TNRC6B: variants seen among roughly 807,000 people sequenced by gnomAD.
TNRC6B encodes trinucleotide repeat-containing gene 6B protein.
In TNRC6B, 52 loss-of-function variants were observed where a neutral mutation model predicts 203.6. The ratio of observed to expected loss-of-function variants is 0.26; its 90% CI spans 0.20 to 0.32. TNRC6B has a LOEUF of 0.32. Among genes scored for constraint, TNRC6B ranks in the 10% least tolerant of loss-of-function variants. The probability of loss-of-function intolerance (pLI) is 1.00; values close to 1 mark genes in which losing one functional copy is unlikely to be tolerated. For synonymous variants in TNRC6B, 838 were observed against 845.7 expected (o/e 0.99, Z 0.16); for missense variants, 1,923 against 2,286.2 (o/e 0.84, Z 3.24).
chr22:40,085,446 T>G (rs1019564412), intron 1 of TNRC6B, among the ~76,000 whole-genome samples: 1 of 152,210 alleles, frequency 6.6e-6, no homozygotes, highest in African/African-American at 2.4e-5. Context: ...CCTAAGCTTC[T>G]TTATCTGTAG....
At chr22:40,136,371 T>TTTTGTGTGTGTG (rs150445100) in intron 3 of TNRC6B, among the ~76,000 whole-genome samples, 1 of 141,118 alleles carries the variant, frequency 7.1e-6, no homozygotes, top group Non-Finnish European at 1.5e-5. Flanking sequence ...TATGTTTATC[T>TTTTGTGTGTGTG]TGTGTGTGTG....
At position 40,265,719 on chromosome 22, in the gene TNRC6B, G is replaced by A. The variant is rs752924057; in HGVS notation, c.1489G>A (p.Gly497Ser). 6.2e-7 allele frequency: 1 copy of A among 1,613,968 alleles called. No homozygotes were observed. Among genetic ancestry groups the A allele is most frequent in the Non-Finnish European group, 8.5e-7 (1 of 1,179,890 alleles). ...GPQDSNDNKW[G>S]EGNKMTSGVS... ...CCAGGACTCTAATGACAACAAATGGGGTGAAGGGAACAAAATGACATCTGG... is the reference window on the plus strand; with the variant it reads ...CCAGGACTCTAATGACAACAAATGGAGTGAAGGGAACAAAATGACATCTGG... The change falls in exon 5 of 23, where the codon GGT (glycine) becomes AGT (serine). Residue 497 changes from glycine to serine, a missense_variant. By Grantham distance (56) the Gly-to-Ser change is moderately conservative. Transcript: ENST00000454349.
In TNRC6B at chr22:40,325,261, A is replaced by C. The variant is rs1487483976; in HGVS notation, c.*2020A>C. 1 of 152,586 alleles carries C rather than the reference A, an allele frequency of 6.6e-6. No homozygotes were observed. The highest frequency in any genetic ancestry group is 1.5e-5 in the Non-Finnish European group (1 of 68,018). The allele number at this position is 152,586 out of a possible 1,614,324, so 9.5% of individuals were successfully genotyped here. A position where few individuals can be genotyped will look rare whatever the true frequency, so the allele number is the denominator to read the frequency against. On this transcript the variant is annotated 3_prime_UTR_variant, in exon 23 of 23. Transcript: ENST00000454349. ...GAAGGATACAATACAACAATGCCTA[A>C]TGTATTTGACTTTTTAGCTTGTGTC... is the stretch of plus-strand genomic sequence containing the variant.
Position 40,222,089 on chromosome 22 carries a change from A to G in TNRC6B, c.6-23926A>G, listed in dbSNP as rs138902219. 2.0e-3 allele frequency among the ~76,000 whole-genome samples: 304 copies of G among 152,186 alleles called. 1 individual carries two copies. Among genetic ancestry groups the G allele is most frequent in the African/African-American group, 7.2e-3 (297 of 41,516 alleles). On this transcript the variant is annotated intron_variant, in intron 1 of 22. Coordinates refer to ENST00000454349, the MANE Select transcript of TNRC6B (RefSeq NM_001162501.2). Reference sequence around the variant, plus strand: ...TGCTGTCTGGAGACCTCTCTGACCCATCTCTGTTGGGCAGTATTTTGTCTT... The same window carrying G: ...TGCTGTCTGGAGACCTCTCTGACCCGTCTCTGTTGGGCAGTATTTTGTCTT...
intron 3 of TNRC6B, among the ~76,000 whole-genome samples, chr22:40,257,760 C>T (rs1286408367): frequency 1.3e-5 from 2 of 148,720 alleles, no homozygotes; most frequent in South Asian, 2.2e-4. Context: ...CGGTGGCTCA[C>T]GCCTATAATC....
chr22:40,215,865 T>A (rs1013842373), intron 1 of TNRC6B, among the ~76,000 whole-genome samples: 4 of 152,246 alleles, frequency 2.6e-5, no homozygotes, highest in Non-Finnish European at 5.9e-5. Context: ...CAGCATGGGC[T>A]GCATCTCAGC....
chr22:40,235,738 C>T (rs1467950691), intron 1 of TNRC6B, among the ~76,000 whole-genome samples: 2 of 152,194 alleles, frequency 1.3e-5, no homozygotes, highest in Non-Finnish European at 2.9e-5. Context: ...TCCTGCTATA[C>T]TTAAGGAATA....
At chr22:40,156,253 A>C in intron 4 of TNRC6B, 3 of 1,434,676 alleles carry the variant, frequency 2.1e-6, no homozygotes, top group Non-Finnish European at 2.9e-6. Flanking sequence ...ACATGCTGAT[A>C]AGCGTGTTTG....
chr22:40,186,107 T>A (rs576437175), intron 1 of TNRC6B, among the ~76,000 whole-genome samples: 1 of 151,586 alleles, frequency 6.6e-6, no homozygotes, highest in African/African-American at 2.4e-5. Context: ...GAGGATGAGG[T>A]CACCATGGGA....
Position 40,328,903 on chromosome 22 carries a change from A to G in TNRC6B, c.*5662A>G, listed in dbSNP as rs959622812. 4 of 152,588 alleles carry G rather than the reference A, an allele frequency of 2.6e-5. No individual in the cohort carries two copies. The highest frequency in any genetic ancestry group is 7.2e-5 in the African/African-American group (3 of 41,444). 9.5% of individuals were successfully genotyped at this position (152,588 alleles called of 1,614,324 possible). ...GTTTTTAAGTATCTATAAGATCTTT[A>G]GAAGTGAGATAAATTTTTCGCTGGT... On this transcript the variant is annotated 3_prime_UTR_variant, in exon 23 of 23. Transcript: ENST00000454349.
At chr22:40,045,375 G>A (rs899935656) in intron 1 of TNRC6B, 1 of 149,776 alleles carries the variant, frequency 6.7e-6, no homozygotes, top group Non-Finnish European at 1.5e-5. Flanking sequence ...GGCGTCACGC[G>A]CCAGCAGGTG....
At chr22:40,194,430 ACCAGACAAAATACTTCTC>A (rs1345895672) in intron 1 of TNRC6B, among the ~76,000 whole-genome samples, 2 of 152,170 alleles carry the variant, frequency 1.3e-5, no homozygotes, top group Non-Finnish European at 2.9e-5. Flanking sequence ...CTAGGAAGAA[ACCAGACAAAATACTTCTC>A]CCAGGCCAGG....
chr22:40,155,116 T>C (rs2068808155), intron 3 of TNRC6B, among the ~76,000 whole-genome samples: 1 of 151,690 alleles, frequency 6.6e-6, no homozygotes, highest in Non-Finnish European at 1.5e-5. Context: ...ATTTATCTGT[T>C]TTACTGTTGA....
intron 11 of TNRC6B, among the ~76,000 whole-genome samples, chr22:40,281,594 C>T (rs1278468805): frequency 1.3e-5 from 2 of 151,930 alleles, no homozygotes; most frequent in Non-Finnish European, 2.9e-5. Flanking sequence ...GTACCTTAGA[C>T]AATCTAACTT....
At chr22:40,106,680 A>T in intron 1 of TNRC6B, 1 of 756,208 alleles carries the variant, frequency 1.3e-6, no homozygotes, top group South Asian at 1.3e-5. Context: ...ATGTTAATTG[A>T]AGCCCTGTTG....
At chr22:40,235,415 G>T (rs572740717) in intron 1 of TNRC6B, among the ~76,000 whole-genome samples, 1 of 152,120 alleles carries the variant, frequency 6.6e-6, no homozygotes, top group Non-Finnish European at 1.5e-5. Flanking sequence ...GCTGTTACAG[G>T]GGTAGGCTCC....
chr22:40,059,796 T>C (rs1323089182), intron 1 of TNRC6B, among the ~76,000 whole-genome samples: 1 of 151,836 alleles, frequency 6.6e-6, no homozygotes, highest in Non-Finnish European at 1.5e-5. Flanking sequence ...ATAAGCCCCA[T>C]TGGTCATGAT....
chr22:40,233,137 C>T (rs949188115), intron 1 of TNRC6B, among the ~76,000 whole-genome samples: 3 of 151,004 alleles, frequency 2.0e-5, no homozygotes, highest in African/African-American at 4.9e-5. Context: ...AGTAAGATTC[C>T]GTCTCAAAAA....
intron 1 of TNRC6B, among the ~76,000 whole-genome samples, chr22:40,196,418 G>A (rs1036542538): frequency 1.4e-4 from 21 of 151,986 alleles, no homozygotes; most frequent in Non-Finnish European, 1.3e-4. Context: ...AGATCTAGAG[G>A]TAAAAACCAG....
Sources: allele counts gnomAD v4.1 joint callset (sites outside exome capture counted in the v4.1 genomes callset), GRCh38; gene constraint gnomAD v4.1.1; transcripts MANE v1.5; gene names NCBI Gene and HGNC (gene_info 2026-07-23, HGNC 2026-07-21).